The following RIMS2 variants were observed in gnomAD, a reference collection of about 807,000 sequenced individuals.
The protein encoded by RIMS2 is regulating synaptic membrane exocytosis 2.
In RIMS2, 59 loss-of-function variants were observed where a neutral mutation model predicts 174.4. The ratio of observed to expected loss-of-function variants is 0.34; its 90% confidence interval spans 0.27 to 0.42. The LOEUF is 0.42. RIMS2 is among the 10% of genes least tolerant of loss of function. The pLI is 1.00. For synonymous variants in RIMS2, 606 were observed against 572.5 expected (o/e 1.06, Z -0.84); for missense variants, 1,620 against 1,666.3 (o/e 0.97, Z 0.48).
intron 1 of RIMS2, among the ~76,000 whole-genome samples, chr8:103,665,435 A>T (rs1188851923): frequency 1.3e-5 from 2 of 152,230 alleles, no homozygotes; most frequent in South Asian, 4.1e-4. Context: ...ATTAATATTG[A>T]TAAAGAACTT....
intron 2 of RIMS2, among the ~76,000 whole-genome samples, chr8:103,734,879 G>A (rs2554738): frequency 0.39 from 59,589 of 151,718 alleles, 12,389 homozygotes; most frequent in East Asian, 0.77. Context: ...TGAAATACTG[G>A]AGGGTTCTTC....
At chr8:104,036,294 G>C (rs2096514252) in intron 19 of RIMS2, among the ~76,000 whole-genome samples, 2 of 151,754 alleles carry the variant, frequency 1.3e-5, no homozygotes, top group African/African-American at 2.4e-5. Flanking sequence ...GGCACTACAG[G>C]TGCCGGCCAC....
chr8:104,052,438 C>G (rs144030514), intron 19 of RIMS2, among the ~76,000 whole-genome samples: 2 of 152,182 alleles, frequency 1.3e-5, no homozygotes, highest in African/African-American at 4.8e-5. Flanking sequence ...GGTTAGCCTG[C>G]AGCTTCAGAA....
chr8:103,511,282 G>A (rs181927998), intron 1 of RIMS2, among the ~76,000 whole-genome samples: 84 of 152,242 alleles, frequency 5.5e-4, no homozygotes, highest in African/African-American at 1.8e-3. Flanking sequence ...TTTATAGGGA[G>A]AGGAGTAAAT....
At chr8:103,826,706 A>G (rs1263236453) in intron 3 of RIMS2, among the ~76,000 whole-genome samples, 4 of 149,356 alleles carry the variant, frequency 2.7e-5, no homozygotes, top group African/African-American at 7.3e-5. Context: ...ATATGTATAT[A>G]TTATATACAT....
chr8:103,697,469 T>C (rs188749524), intron 2 of RIMS2, among the ~76,000 whole-genome samples, 173 bp downstream of exon 4: 61 of 151,206 alleles, frequency 4.0e-4, no homozygotes, highest in Non-Finnish European at 7.4e-4. Flanking sequence ...AGCCCTTTGG[T>C]AGGCCAAGGC....
chr8:103,566,063 CAT>C (rs1309170886), intron 1 of RIMS2, among the ~76,000 whole-genome samples: 7 of 152,140 alleles, frequency 4.6e-5, no homozygotes, highest in Non-Finnish European at 5.9e-5. Context: ...TTATAACAAA[CAT>C]AGGTATACCT....
chr8:104,031,735 A>G (rs896558879), intron 19 of RIMS2, among the ~76,000 whole-genome samples: 4 of 152,138 alleles, frequency 2.6e-5, no homozygotes, highest in African/African-American at 9.6e-5. Flanking sequence ...GTGATGACAA[A>G]CCATTGCCGA....
At chr8:103,543,796 A>G (rs1843638411) in intron 1 of RIMS2, among the ~76,000 whole-genome samples, 1 of 152,232 alleles carries the variant, frequency 6.6e-6, no homozygotes, top group Non-Finnish European at 1.5e-5. Flanking sequence ...ACTCACATGT[A>G]GAAGAATAAA....
At chr8:104,127,109 C>T (rs900717782) in intron 19 of RIMS2, among the ~76,000 whole-genome samples, 1 of 152,082 alleles carries the variant, frequency 6.6e-6, no homozygotes, top group Non-Finnish European at 1.5e-5. Flanking sequence ...AAATAATACC[C>T]TGCTTTTACA....
At chr8:104,065,816 A>C (rs564609313) in intron 19 of RIMS2, among the ~76,000 whole-genome samples, 1 of 152,108 alleles carries the variant, frequency 6.6e-6, no homozygotes, top group African/African-American at 2.4e-5. Flanking sequence ...GGGTCTGGAG[A>C]TGAGAGATTT....
intron 1 of RIMS2, among the ~76,000 whole-genome samples, chr8:103,684,503 T>G (rs2136835719): frequency 6.6e-6 from 1 of 152,146 alleles, no homozygotes; most frequent in Admixed American, 6.5e-5. Flanking sequence ...CTCATTCATT[T>G]ATATATTGTT....
chr8:104,040,125 C>A (rs1175991301), intron 19 of RIMS2, among the ~76,000 whole-genome samples: 1 of 151,518 alleles, frequency 6.6e-6, no homozygotes, highest in Non-Finnish European at 1.5e-5. Flanking sequence ...TATAAAGAGA[C>A]AAATTTGTCA....
chr8:104,157,106 A>G lies in RIMS2; in HGVS notation c.3335-87810A>G, dbSNP rs139827073. 1.2e-3 allele frequency among the ~76,000 whole-genome samples: 190 copies of G among 152,340 alleles called. 1 individual carries two copies. The East Asian group carries it at 0.022, about 18-fold the overall frequency. On this transcript the variant is annotated intron_variant, in intron 19 of 23. Transcript: ENST00000504942. ...ACAGTGTTTTAGCCCTTATAATATT[A>G]TCCTTCATTATTTAAAAATATTGAA...
rs551013130 is a variant in RIMS2 at position 103,511,857 on chromosome 8, C to T, written c.176+10795C>T. ...CTTCTTCTAGGGGTAAGGTAGAGTA[C>T]CTATGACAGAAACAAATTTCAGAGA... On this transcript the variant is annotated intron_variant, in intron 1 of 23. Transcript: ENST00000504942. Among the ~76,000 whole-genome samples, 4 of 152,200 alleles carry T rather than the reference C, an allele frequency of 2.6e-5. No homozygotes were observed. In the South Asian group the frequency reaches 8.3e-4, roughly 32 times the overall value.
rs192497912 is a variant in RIMS2 at position 103,580,780 on chromosome 8, C to T, written c.176+79718C>T. ...CATACATTTAAAGATGAACTAATAC[C>T]ATGTCTACTCAAACTCCTCAAAGAA... On this transcript the variant is annotated intron_variant, in intron 1 of 23. Coordinates refer to ENST00000504942, the Ensembl canonical transcript of RIMS2. Among the ~76,000 whole-genome samples the T allele has an allele frequency of 2.7e-3, 408 of 151,262 alleles. 4 individuals carry two copies. Among genetic ancestry groups the T allele is most frequent in the African/African-American group, 9.3e-3 (385 of 41,208 alleles).
At chr8:104,065,173 C>A (rs527389769) in intron 19 of RIMS2, among the ~76,000 whole-genome samples, 1 of 152,080 alleles carries the variant, frequency 6.6e-6, no homozygotes, top group South Asian at 2.1e-4. Flanking sequence ...CTTGTATATA[C>A]AGATTTTTAC....
At chr8:103,557,249 G>T (rs185117015) in intron 1 of RIMS2, among the ~76,000 whole-genome samples, 5 of 152,192 alleles carry the variant, frequency 3.3e-5, no homozygotes, top group Admixed American at 6.5e-5. Context: ...TCTCCATTCT[G>T]TCTCCTGGCT....
intron 2 of RIMS2, among the ~76,000 whole-genome samples, chr8:103,698,893 G>A (rs1382332424): frequency 2.0e-5 from 3 of 152,208 alleles, no homozygotes; most frequent in South Asian, 2.1e-4. Flanking sequence ...CTGATAAAAT[G>A]TGTTGGGAAG....
Sources: allele counts gnomAD v4.1 joint callset (sites outside exome capture counted in the v4.1 genomes callset), GRCh38; gene constraint gnomAD v4.1.1; transcripts MANE v1.5; gene names NCBI Gene and HGNC (gene_info 2026-07-23, HGNC 2026-07-21).